ESRP1: variants seen among roughly 807,000 people sequenced by gnomAD.
The protein encoded by ESRP1 is RNA-binding motif protein 35A.
Under a neutral mutation model 81.7 loss-of-function variants are expected in ESRP1, and 33 were observed. The observed-to-expected ratio is 0.40, with a 90% CI of 0.31 to 0.54. The LOEUF (loss-of-function observed/expected upper bound fraction) is 0.54. Among genes scored for constraint, ESRP1 ranks in the 20% least tolerant of loss-of-function variants. ESRP1 has a pLI of 0.41. For synonymous variants in ESRP1, 320 were observed against 303.3 expected (o/e 1.06, Z -0.57); for missense variants, 672 against 833.1 (o/e 0.81, Z 2.38).
At chr8:94,643,535 T>C (rs537975608) in intron 3 of ESRP1, 119 bp downstream of exon 3, 9 of 616,166 alleles carry the variant, frequency 1.5e-5, no homozygotes, top group South Asian at 1.0e-4. Context: ...TAGGGAGTTA[T>C]TTAATGAGTA....
chr8:94,673,183 A>C (rs572743556), intron 11 of ESRP1, among the ~76,000 whole-genome samples: 6 of 152,316 alleles, frequency 3.9e-5, no homozygotes, highest in African/African-American at 1.4e-4. Context: ...GTTCTTTTGA[A>C]TAAAATTGCC....
At chr8:94,697,459 A>G (rs1055857548) in intron 15 of ESRP1, among the ~76,000 whole-genome samples, 2 of 152,194 alleles carry the variant, frequency 1.3e-5, no homozygotes, top group East Asian at 3.8e-4. Context: ...TGGATATTTC[A>G]TGTAAATGGA....
chr8:94,664,322 C>T (rs1818905595), intron 6 of ESRP1, among the ~76,000 whole-genome samples: 1 of 152,014 alleles, frequency 6.6e-6, no homozygotes, highest in Non-Finnish European at 1.5e-5. Context: ...CGGGGTTTTA[C>T]CATGTTGGCC....
chr8:94,690,120 A>AT (rs60791538), intron 13 of ESRP1, among the ~76,000 whole-genome samples: 51,367 of 147,232 alleles, frequency 0.35, 9,432 homozygotes, highest in East Asian at 0.57. Flanking sequence ...GCCCGGCCTA[A>AT]TTTTTTTTGT....
chr8:94,674,782 G>A (rs930438357), intron 12 of ESRP1, among the ~76,000 whole-genome samples: 2 of 152,184 alleles, frequency 1.3e-5, no homozygotes, highest in African/African-American at 4.8e-5. Flanking sequence ...CTCCAGATAA[G>A]CACTGACTCT....
intron 10 of ESRP1, among the ~76,000 whole-genome samples, chr8:94,668,928 C>T (rs58373749): frequency 0.02 from 3,096 of 152,104 alleles, 94 homozygotes; most frequent in African/African-American, 0.07. Context: ...GAGTAGCTGG[C>T]ATTACAGCTG....
intron 15 of ESRP1, among the ~76,000 whole-genome samples, chr8:94,699,714 C>G (rs904495146): frequency 6.6e-6 from 1 of 152,046 alleles, no homozygotes; most frequent in Non-Finnish European, 1.5e-5. Flanking sequence ...CTTACCAACT[C>G]TAGGAGATAG....
At chr8:94,652,954 G>A (rs773906044) in intron 4 of ESRP1, among the ~76,000 whole-genome samples, 3 of 152,270 alleles carry the variant, frequency 2.0e-5, no homozygotes, top group Admixed American at 1.3e-4. Flanking sequence ...TTTGAGGCAC[G>A]TTGGCTACCT....
intron 4 of ESRP1, 73 bp downstream of exon 4, chr8:94,646,355 A>T: frequency 9.5e-7 from 1 of 1,057,144 alleles, no homozygotes. Flanking sequence ...GAAACTTTCA[A>T]ACATTTTAAA....
intron 9 of ESRP1, among the ~76,000 whole-genome samples, chr8:94,667,585 G>GA (rs1305822154): frequency 1.3e-5 from 2 of 152,094 alleles, no homozygotes; most frequent in African/African-American, 4.8e-5. Flanking sequence ...TTACAGACAA[G>GA]AAAAGTAAGG....
intron 13 of ESRP1, among the ~76,000 whole-genome samples, chr8:94,682,628 A>G (rs905815377): frequency 9.2e-5 from 9 of 97,520 alleles, no homozygotes; most frequent in South Asian, 4.7e-4. Context: ...CAGCCTCCCA[A>G]TGTGCTGGGA....
At chr8:94,699,916 C>A (rs1809753816) in intron 15 of ESRP1, among the ~76,000 whole-genome samples, 1 of 151,540 alleles carries the variant, frequency 6.6e-6, no homozygotes. Context: ...TATTTTTTTA[C>A]CGCCTCCTTA....
chr8:94,698,902 C>T (rs549549449), intron 15 of ESRP1, among the ~76,000 whole-genome samples: 7 of 152,128 alleles, frequency 4.6e-5, no homozygotes, highest in African/African-American at 1.4e-4. Context: ...CTGTCATTTT[C>T]GGTGAGGTTT....
At chr8:94,666,447 G>T (rs1221448890) in intron 9 of ESRP1, among the ~76,000 whole-genome samples, 1 of 152,198 alleles carries the variant, frequency 6.6e-6, no homozygotes, top group Non-Finnish European at 1.5e-5. Context: ...ATCTCTGTAT[G>T]CGCCACTCAT....
At chr8:94,662,768 T>C (rs1297315445) in intron 6 of ESRP1, among the ~76,000 whole-genome samples, 1 of 152,104 alleles carries the variant, frequency 6.6e-6, no homozygotes, top group African/African-American at 2.4e-5. Flanking sequence ...CTACCATACC[T>C]GGCTAATTTT....
At chr8:94,674,892 C>A (rs531406065) in intron 12 of ESRP1, among the ~76,000 whole-genome samples, 1 of 152,080 alleles carries the variant, frequency 6.6e-6, no homozygotes, top group Admixed American at 6.6e-5. Flanking sequence ...AACGTATTAA[C>A]CTTTAAGAAG....
At chr8:94,645,173 A>T (rs1241924966) in intron 3 of ESRP1, among the ~76,000 whole-genome samples, 1 of 152,184 alleles carries the variant, frequency 6.6e-6, no homozygotes, top group Non-Finnish European at 1.5e-5. Context: ...TGTGACCATG[A>T]TGCAGCAATA....
rs1490993320 is a variant in ESRP1, at chr8:94,642,955, CA to C, written c.262-345del. Among the ~76,000 whole-genome samples, 12 of 152,270 alleles carry C rather than the reference CA, an allele frequency of 7.9e-5. No homozygotes were observed. The East Asian group carries it at 1.9e-3, about 25-fold the overall frequency. On this transcript the variant is annotated intron_variant, in intron 2 of 15. Coordinates refer to ENST00000433389, the MANE Select transcript of ESRP1 (RefSeq NM_017697.4). ...GCATCTTTCTTAAGCCTGGCACATC[CA>C]AACATATAAAAAGTAACACTAGGGA...
rs146259316 is a variant in ESRP1 at position 94,671,041 on chromosome 8, A to C, written c.1234-412A>C. Among the ~76,000 whole-genome samples, 440 of 152,288 alleles carry C rather than the reference A, an allele frequency of 2.9e-3. 2 individuals carry two copies. Among genetic ancestry groups the C allele is most frequent in the African/African-American group, 0.01 (424 of 41,562 alleles). The stretch of plus-strand genomic sequence containing the variant: ...TACTGTGTACTTAGTGAAATGATAT[A>C]TTTCTACTTTTGCTACAAAAGTCCA... On this transcript the variant is annotated intron_variant, in intron 10 of 15. Coordinates refer to ENST00000433389, the MANE Select transcript of ESRP1 (RefSeq NM_017697.4).
Sources: allele counts gnomAD v4.1 joint callset (sites outside exome capture counted in the v4.1 genomes callset), GRCh38; gene constraint gnomAD v4.1.1; transcripts MANE v1.5; gene names NCBI Gene and HGNC (gene_info 2026-07-23, HGNC 2026-07-21).